The following HMBOX1 variants were observed in gnomAD, a reference collection of about 807,000 sequenced individuals.
HMBOX1 encodes homeobox containing 1.
A neutral mutation model predicts 54.5 loss-of-function variants in HMBOX1; 14 were observed. The ratio of observed to expected loss-of-function variants is 0.26; its 90% CI spans 0.17 to 0.40. HMBOX1 has a LOEUF of 0.40. Among genes scored for constraint, HMBOX1 ranks in the 10% least tolerant of loss-of-function variants. HMBOX1 has a pLI of 1.00. For missense variants in HMBOX1, 332 were observed against 514.4 expected, an observed-to-expected ratio of 0.65 and a Z score of 3.43; for synonymous variants, 160 against 181.0, an observed-to-expected ratio of 0.88 and a Z score of 0.93.
chr8:28,934,208 ACT>A (rs1245670900), intron 1 of HMBOX1, among the ~76,000 whole-genome samples: 5 of 152,252 alleles, frequency 3.3e-5, no homozygotes, highest in African/African-American at 4.8e-5. Flanking sequence ...ATATTAACAG[ACT>A]CAAGTAGAAA....
chr8:29,001,154 C>G (rs1339611442), intron 4 of HMBOX1, among the ~76,000 whole-genome samples: 1 of 152,122 alleles, frequency 6.6e-6, no homozygotes, highest in Non-Finnish European at 1.5e-5. Flanking sequence ...AAAATGGAGA[C>G]AAACATACAA....
intron 2 of HMBOX1, among the ~76,000 whole-genome samples, chr8:28,964,773 A>G (rs1826167969): frequency 6.7e-6 from 1 of 148,522 alleles, no homozygotes; most frequent in African/African-American, 2.5e-5. Context: ...TTTCTGGAAC[A>G]GACCTAGAAG....
chr8:28,988,134 A>G (rs6989592), intron 4 of HMBOX1, among the ~76,000 whole-genome samples: 2,350 of 152,244 alleles, frequency 0.015, 40 homozygotes, highest in African/African-American at 0.04. Flanking sequence ...TTCCTTCACT[A>G]TTGATTTGCC....
At position 29,051,199 on chromosome 8, in the gene HMBOX1, C is replaced by T; in HGVS notation, c.*44C>T. The T allele has an allele frequency of 6.2e-7, 1 of 1,603,676 alleles. No homozygotes were observed. The highest frequency in any genetic ancestry group is 1.1e-5 in the South Asian group (1 of 89,972). On this transcript the variant is annotated 3_prime_UTR_variant, in exon 10 of 10. Transcript: ENST00000287701. ...ACAAGTTAACTTAGTTTAGACGTAGCACCTTAGCAGACTTTCCTCGGTCCT... is the reference window on the plus strand; with the variant it reads ...ACAAGTTAACTTAGTTTAGACGTAGTACCTTAGCAGACTTTCCTCGGTCCT...
intron 4 of HMBOX1, among the ~76,000 whole-genome samples, chr8:28,989,626 G>A (rs1830690913): frequency 6.6e-6 from 1 of 152,172 alleles, no homozygotes; most frequent in South Asian, 2.1e-4. Flanking sequence ...CTTGAAATCA[G>A]AAAGTGTAAT....
chr8:29,012,870 C>T (rs928749689), intron 5 of HMBOX1, among the ~76,000 whole-genome samples: 4 of 152,094 alleles, frequency 2.6e-5, no homozygotes, highest in Non-Finnish European at 5.9e-5. Flanking sequence ...AATAAGTTGT[C>T]AGTGATTTTT....
intron 1 of HMBOX1, among the ~76,000 whole-genome samples, chr8:28,938,766 C>A (rs149987302): frequency 7.5e-6 from 1 of 133,772 alleles, no homozygotes; most frequent in East Asian, 2.3e-4. Context: ...TCTTTTCATT[C>A]ACTTCATTTC....
At chr8:28,973,813 T>TTTTTTTGTTTTG (rs1827887061) in intron 3 of HMBOX1, among the ~76,000 whole-genome samples, 1 of 35,030 alleles carries the variant, frequency 2.9e-5, no homozygotes, top group Non-Finnish European at 5.7e-5. Flanking sequence ...GTTTTTTTTT[T>TTTTTTTGTTTTG]TTTTTTTTTT....
At position 28,963,916 on chromosome 8, in the gene HMBOX1, T is replaced by C. The variant is rs568542656; in HGVS notation, c.23+26T>C. 8 of 1,558,234 alleles carry C rather than the reference T, an allele frequency of 5.1e-6. No individual in the cohort carries two copies. The South Asian group carries it at 9.0e-5, about 18-fold the overall frequency. Reference sequence around the variant, plus strand: ...GTAAGTATCAAGTCCTTTTTGATTTTTATCTTCACAATCATTTTAGTAAAG... The same window carrying C: ...GTAAGTATCAAGTCCTTTTTGATTTCTATCTTCACAATCATTTTAGTAAAG... On this transcript the variant is annotated intron_variant, in intron 2 of 9. Coordinates refer to ENST00000287701, the MANE Select transcript of HMBOX1 (RefSeq NM_001135726.3).
intron 5 of HMBOX1, chr8:29,010,249 T>C (rs1185785528): frequency 3.4e-6 from 2 of 591,380 alleles, no homozygotes; most frequent in African/African-American, 4.0e-5. Context: ...CTGTTTACTC[T>C]TTCTTAGATA....
Position 28,997,446 on chromosome 8 carries a change from A to G in HMBOX1, c.587-11626A>G, listed in dbSNP as rs183328044. 1.0e-3 allele frequency among the ~76,000 whole-genome samples: 158 copies of G among 152,170 alleles called. 1 individual carries two copies. Among genetic ancestry groups the G allele is most frequent in the Non-Finnish European group, 1.9e-3 (131 of 67,992 alleles). ...ACCTTGCTATCCTGAGATGAATCCCACCTGGTCATGGTTTATAATCCTTTA... is the reference window on the plus strand; with the variant it reads ...ACCTTGCTATCCTGAGATGAATCCCGCCTGGTCATGGTTTATAATCCTTTA... On this transcript the variant is annotated intron_variant, in intron 4 of 9. Transcript: ENST00000287701.
intron 4 of HMBOX1, among the ~76,000 whole-genome samples, chr8:29,003,496 G>GTATATATA (rs10572983): frequency 7.9e-6 from 1 of 127,260 alleles, no homozygotes; most frequent in South Asian, 2.6e-4. Context: ...GTGTGTGTGT[G>GTATATATA]TATATATATA....
intron 1 of HMBOX1, among the ~76,000 whole-genome samples, chr8:28,893,110 T>C (rs1186702522): frequency 6.6e-6 from 1 of 152,222 alleles, no homozygotes; most frequent in Non-Finnish European, 1.5e-5. Flanking sequence ...TGCAAAGTTA[T>C]TTACTTGAAA....
intron 1 of HMBOX1, among the ~76,000 whole-genome samples, chr8:28,903,817 G>A (rs1021035028): frequency 1.3e-5 from 2 of 152,184 alleles, no homozygotes; most frequent in East Asian, 3.8e-4. Flanking sequence ...ACATGCATTT[G>A]TTAGTTATTT....
At position 29,051,186 on chromosome 8, in the gene HMBOX1, A is replaced by T; in HGVS notation, c.*31A>T. 1 of 1,611,072 alleles carries T rather than the reference A, an allele frequency of 6.2e-7. No individual in the cohort carries two copies. Among genetic ancestry groups the T allele is most frequent in the Non-Finnish European group, 8.5e-7 (1 of 1,178,582 alleles). ...GAGGTTAAACATGACAAGTTAACTTAGTTTAGACGTAGCACCTTAGCAGAC... is the reference window on the plus strand; with the variant it reads ...GAGGTTAAACATGACAAGTTAACTTTGTTTAGACGTAGCACCTTAGCAGAC... On this transcript the variant is annotated 3_prime_UTR_variant, in exon 10 of 10. Coordinates refer to ENST00000287701, the MANE Select transcript of HMBOX1 (RefSeq NM_001135726.3).
chr8:28,903,615 GAT>G (rs1159870536), intron 1 of HMBOX1, among the ~76,000 whole-genome samples: 1 of 152,082 alleles, frequency 6.6e-6, no homozygotes, highest in Non-Finnish European at 1.5e-5. Flanking sequence ...CATGTACAAA[GAT>G]ATCTCATTTG....
intron 1 of HMBOX1, among the ~76,000 whole-genome samples, chr8:28,899,148 C>G (rs1812724102): frequency 6.6e-6 from 1 of 152,148 alleles, no homozygotes. Context: ...CAAAGTAGGA[C>G]TATAAGAACT....
At chr8:28,956,406 T>C (rs1002783648) in intron 1 of HMBOX1, among the ~76,000 whole-genome samples, 6 of 152,242 alleles carry the variant, frequency 3.9e-5, no homozygotes, top group African/African-American at 7.2e-5. Flanking sequence ...CTACAAGACC[T>C]GTCATCTTCT....
chr8:28,895,291 C>G (rs978835285), intron 1 of HMBOX1, among the ~76,000 whole-genome samples: 18 of 152,160 alleles, frequency 1.2e-4, no homozygotes, highest in Admixed American at 8.5e-4. Context: ...TAATTTGTAT[C>G]TAGTCACAAT....
Sources: allele counts gnomAD v4.1 joint callset (sites outside exome capture counted in the v4.1 genomes callset), GRCh38; gene constraint gnomAD v4.1.1; transcripts MANE v1.5; gene names NCBI Gene and HGNC (gene_info 2026-07-23, HGNC 2026-07-21).